The following WWOX variants were observed in gnomAD, a reference collection of about 807,000 sequenced individuals.
WWOX encodes WW domain containing oxidoreductase.
In WWOX, 69 loss-of-function variants were observed where a neutral mutation model predicts 46.2. The ratio of observed to expected loss-of-function variants is 1.49; its 90% CI spans 1.23 to 1.82. WWOX has a LOEUF of 1.82. WWOX is among the 40% of genes most tolerant of loss of function. WWOX has a pLI of 0.00. For synonymous variants in WWOX, 359 were observed against 202.6 expected (o/e 1.77, Z -6.56); for missense variants, 919 against 542.6 (o/e 1.69, Z -6.89).
intron 5 of WWOX, among the ~76,000 whole-genome samples, chr16:78,203,880 C>T (rs542904251): frequency 6.6e-6 from 1 of 152,160 alleles, no homozygotes; most frequent in Non-Finnish European, 1.5e-5. Flanking sequence ...TGGAAAGAGC[C>T]CTGTGCATGG....
At chr16:78,943,040 G>C (rs1567665196) in intron 8 of WWOX, among the ~76,000 whole-genome samples, 1 of 152,126 alleles carries the variant, frequency 6.6e-6, no homozygotes, top group South Asian at 2.1e-4. Flanking sequence ...TATCTCTCCT[G>C]CTTCTGCTTC....
intron 8 of WWOX, among the ~76,000 whole-genome samples, chr16:78,992,912 A>G (rs1349731829): frequency 6.6e-6 from 1 of 150,844 alleles, no homozygotes; most frequent in East Asian, 2.0e-4. Context: ...ATGAAAAAAT[A>G]TATCTACGTA....
intron 5 of WWOX, among the ~76,000 whole-genome samples, chr16:78,262,568 TG>T (rs2079269530): frequency 6.6e-6 from 1 of 152,210 alleles, no homozygotes; most frequent in Non-Finnish European, 1.5e-5. Context: ...GACAGGCCCC[TG>T]TCCCCAGCTT....
intron 8 of WWOX, among the ~76,000 whole-genome samples, chr16:78,937,134 A>C (rs765821046): frequency 1.8e-4 from 27 of 152,136 alleles, no homozygotes; most frequent in Non-Finnish European, 3.8e-4. Context: ...TCCTAGATTT[A>C]AAAAAATGTT....
At chr16:78,636,125 A>G (rs2046562453) in intron 8 of WWOX, among the ~76,000 whole-genome samples, 1 of 152,176 alleles carries the variant, frequency 6.6e-6, no homozygotes, top group Admixed American at 6.5e-5. Context: ...CTTGCTATTA[A>G]GAGTTTCTGG....
At chr16:78,811,792 G>C (rs72801048) in intron 8 of WWOX, among the ~76,000 whole-genome samples, 13,409 of 152,082 alleles carry the variant, frequency 0.088, 652 homozygotes, top group African/African-American at 0.14. Context: ...CTGATGGTCA[G>C]GGCTTTGACA....
In WWOX at chr16:79,181,415, GTTA is replaced by G. The variant is rs576977265; in HGVS notation, c.1057-30188_1057-30186del. 1.6e-3 allele frequency among the ~76,000 whole-genome samples: 239 copies of G among 152,230 alleles called. 1 individual carries two copies. Among genetic ancestry groups the G allele is most frequent in the African/African-American group, 5.5e-3 (229 of 41,534 alleles). On this transcript the variant is annotated intron_variant, in intron 8 of 8. Coordinates refer to ENST00000566780, the MANE Select transcript of WWOX (RefSeq NM_016373.4). Reference sequence around the variant, plus strand: ...CCTTATGAATACTACAGCAATATATGTTATTATATACTGCTGGTTTTAATTTTG... The same window carrying G: ...CCTTATGAATACTACAGCAATATATGTTATATACTGCTGGTTTTAATTTTG...
chr16:78,976,362 C>T (rs1380608840), intron 8 of WWOX, among the ~76,000 whole-genome samples: 1 of 152,216 alleles, frequency 6.6e-6, no homozygotes, highest in Admixed American at 6.5e-5. Flanking sequence ...CTCAGGTCCT[C>T]GCTCACTCCC....
chr16:78,421,179 G>A (rs2082919475), intron 6 of WWOX, among the ~76,000 whole-genome samples: 1 of 152,102 alleles, frequency 6.6e-6, no homozygotes, highest in Admixed American at 6.5e-5. Flanking sequence ...TACCACAGAT[G>A]GAGTGCCTCA....
chr16:78,406,178 G>A (rs2082527374), intron 6 of WWOX, among the ~76,000 whole-genome samples: 1 of 150,914 alleles, frequency 6.6e-6, no homozygotes, highest in Non-Finnish European at 1.5e-5. Context: ...AAATCACTGC[G>A]TCAGTTTACT....
rs537403125 is a variant in WWOX, at chr16:79,054,796, A to G, written c.1057-156812A>G. ...AACTGTGATCACACCACCGCACTCCAGCCTGGATGAAAGAGTATGACCTTT... is the reference window on the plus strand; with the variant it reads ...AACTGTGATCACACCACCGCACTCCGGCCTGGATGAAAGAGTATGACCTTT... On this transcript the variant is annotated intron_variant, in intron 8 of 8. Coordinates refer to ENST00000566780, the MANE Select transcript of WWOX (RefSeq NM_016373.4). 3.9e-5 allele frequency among the ~76,000 whole-genome samples: 6 copies of G among 152,358 alleles called. No individual in the cohort carries two copies. The South Asian group carries it at 1.0e-3, about 26-fold the overall frequency.
intron 5 of WWOX, among the ~76,000 whole-genome samples, chr16:78,204,116 T>C (rs930539677): frequency 2.6e-5 from 4 of 152,226 alleles, no homozygotes; most frequent in African/African-American, 4.8e-5. Context: ...TTGTACTACC[T>C]GTAGCAAGAG....
chr16:78,353,397 G>C (rs991562041), intron 5 of WWOX, among the ~76,000 whole-genome samples: 3 of 152,164 alleles, frequency 2.0e-5, no homozygotes, highest in Admixed American at 6.5e-5. Flanking sequence ...GAGCCTTCCA[G>C]GGGTGTAAGC....
chr16:78,435,159 G>C (rs1242197914), intron 8 of WWOX, among the ~76,000 whole-genome samples: 1 of 152,254 alleles, frequency 6.6e-6, no homozygotes, highest in East Asian at 1.9e-4. Context: ...TGGAAAACCA[G>C]AGTATGGGGT....
At chr16:78,183,917 G>T (rs916720653) in intron 5 of WWOX, among the ~76,000 whole-genome samples, 1 of 152,168 alleles carries the variant, frequency 6.6e-6, no homozygotes. Flanking sequence ...AGCCAATTTG[G>T]AGAAAATTGA....
chr16:78,940,900 C>G (rs1388436262), intron 8 of WWOX, among the ~76,000 whole-genome samples: 1 of 151,974 alleles, frequency 6.6e-6, no homozygotes, highest in African/African-American at 2.4e-5. Context: ...CTCTTCATGT[C>G]TATGCTGTCC....
intron 8 of WWOX, among the ~76,000 whole-genome samples, chr16:78,505,999 C>A (rs1278073274): frequency 1.3e-5 from 2 of 152,196 alleles, no homozygotes; most frequent in East Asian, 3.9e-4. Context: ...CAAGAAGACA[C>A]ACCATTCCCC....
intron 5 of WWOX, among the ~76,000 whole-genome samples, chr16:78,186,258 C>T (rs1450285272): frequency 2.0e-5 from 3 of 148,386 alleles, no homozygotes; most frequent in Non-Finnish European, 3.0e-5. Context: ...TTTTTTGACA[C>T]GGCTCCTGGA....
chr16:78,303,266 A>G (rs910711518), intron 5 of WWOX, among the ~76,000 whole-genome samples: 1 of 152,240 alleles, frequency 6.6e-6, no homozygotes, highest in African/African-American at 2.4e-5. Flanking sequence ...TAAAGTATAA[A>G]TAAATAAGAC....
Sources: gnomAD v4.1 joint callset for allele counts (sites outside exome capture counted in the v4.1 genomes callset) on GRCh38, gnomAD v4.1.1 for gene constraint, MANE v1.5 for transcripts, NCBI Gene and HGNC (gene_info 2026-07-23, HGNC 2026-07-21) for gene names.